The following CNTNAP4 variants were observed in gnomAD, a reference collection of about 807,000 sequenced individuals.
CNTNAP4 encodes contactin associated protein family member 4.
A neutral mutation model predicts 148.4 loss-of-function variants in CNTNAP4; 98 were observed. That is an observed-to-expected ratio of 0.66 (90% CI 0.56 to 0.78). The LOEUF (loss-of-function observed/expected upper bound fraction) is 0.78. Ranked by LOEUF, CNTNAP4 falls within the 30% of genes least tolerant of loss-of-function variation. CNTNAP4 has a pLI of 0.00. For synonymous variants in CNTNAP4, 730 were observed against 565.1 expected, an observed-to-expected ratio of 1.29 and a Z score of -4.14; for missense variants, 1,935 against 1,565.6, an observed-to-expected ratio of 1.24 and a Z score of -3.98.
chr16:76,338,861 A>C (rs1364860333), intron 2 of CNTNAP4, among the ~76,000 whole-genome samples: 2 of 152,198 alleles, frequency 1.3e-5, no homozygotes, highest in Admixed American at 1.3e-4. Flanking sequence ...AAATCAAACA[A>C]ATTAGGACAG....
At chr16:76,379,279 A>T (rs182116129) in intron 3 of CNTNAP4, among the ~76,000 whole-genome samples, 1 of 152,286 alleles carries the variant, frequency 6.6e-6, no homozygotes, top group East Asian at 1.9e-4. Context: ...AGGGAAGTTC[A>T]TCCTGAAAGA....
intron 1 of CNTNAP4, among the ~76,000 whole-genome samples, chr16:76,287,078 C>A (rs1012449274): frequency 1.2e-4 from 19 of 152,156 alleles, no homozygotes; most frequent in African/African-American, 4.6e-4. Context: ...AGCTTCATAA[C>A]ACTACCTCTT....
chr16:76,558,655 A>T lies in CNTNAP4; in HGVS notation c.3899A>T (p.Asn1300Ile). Residue 1300 changes from asparagine (N) to isoleucine (I), a missense_variant, in exon 24 of 24, where the codon AAT becomes ATT. Coordinates refer to ENST00000611870, the MANE Select transcript of CNTNAP4 (RefSeq NM_033401.5). ...KSELNIQNAVNENQKEYFF is the reference protein window; with the variant it reads ...KSELNIQNAVIENQKEYFF ...GAGCTTAATATACAAAATGCAGTCAATGAAAATCAGAAAGAGTACTTCTTC... is the reference window on the plus strand; with the variant it reads ...GAGCTTAATATACAAAATGCAGTCATTGAAAATCAGAAAGAGTACTTCTTC... The T allele has an allele frequency of 6.2e-7, 1 of 1,610,158 alleles. No individual in the cohort carries two copies. Among genetic ancestry groups the T allele is most frequent in the Non-Finnish European group, 8.5e-7 (1 of 1,178,540 alleles).
chr16:76,509,357 C>A (rs2082934425), intron 15 of CNTNAP4, among the ~76,000 whole-genome samples: 1 of 96,636 alleles, frequency 1.0e-5, no homozygotes, highest in African/African-American at 2.6e-5. Context: ...CAAACATTGC[C>A]AAATGTCCCC....
chr16:76,411,664 G>T (rs2078799058), intron 3 of CNTNAP4, among the ~76,000 whole-genome samples: 1 of 151,244 alleles, frequency 6.6e-6, no homozygotes. Flanking sequence ...TTTTAATGAG[G>T]TATTCTTAAA....
At chr16:76,396,806 TC>T (rs2078220292) in intron 3 of CNTNAP4, among the ~76,000 whole-genome samples, 2 of 152,144 alleles carry the variant, frequency 1.3e-5, no homozygotes, top group South Asian at 2.1e-4. Flanking sequence ...GCATCCTTCT[TC>T]CCAATGTGCA....
chr16:76,529,361 C>T (rs66833055), intron 17 of CNTNAP4, among the ~76,000 whole-genome samples: 38,951 of 152,016 alleles, frequency 0.26, 5,480 homozygotes, highest in East Asian at 0.44. Context: ...TGAACACGTG[C>T]CCTTGACTTG....
chr16:76,477,110 G>A (rs552006795), intron 11 of CNTNAP4, among the ~76,000 whole-genome samples: 3 of 152,100 alleles, frequency 2.0e-5, no homozygotes, highest in East Asian at 3.9e-4. Context: ...TTTGTTCAAG[G>A]CTACTTAAAA....
chr16:76,414,104 C>G (rs2078895936), intron 3 of CNTNAP4, among the ~76,000 whole-genome samples: 1 of 151,258 alleles, frequency 6.6e-6, no homozygotes, highest in Non-Finnish European at 1.5e-5. Context: ...ATGAAAGGGT[C>G]TATACAGAAC....
intron 13 of CNTNAP4, among the ~76,000 whole-genome samples, chr16:76,494,217 T>C (rs1568393646): frequency 6.6e-6 from 1 of 152,164 alleles, no homozygotes; most frequent in Non-Finnish European, 1.5e-5. Flanking sequence ...AAGGAGCTGG[T>C]AGCTGAACAT....
In CNTNAP4 at chr16:76,540,746, C is replaced by G. The variant is rs774459044; in HGVS notation, c.3398C>G (p.Thr1133Arg). 9.5e-6 allele frequency: 15 copies of G among 1,577,636 alleles called. No individual in the cohort carries two copies. Among genetic ancestry groups the G allele is most frequent in the Non-Finnish European group, 1.3e-5 (15 of 1,159,840 alleles). Residue 1133 changes from threonine (T) to arginine (R), a missense_variant, in exon 21 of 24, where the codon ACA (threonine) becomes AGA (arginine). Transcript: ENST00000611870. ...AGACAAGTTCACCTGTCATCAGGCA[C>G]AGAATTCAGTGCAGTCAAATCTCTG... ...RRRQVHLSSGTEFSAVKSLVL... is the reference protein window; with the variant it reads ...RRRQVHLSSGREFSAVKSLVL...
chr16:76,497,195 T>G (rs1180045153), intron 14 of CNTNAP4, among the ~76,000 whole-genome samples: 3 of 152,280 alleles, frequency 2.0e-5, no homozygotes, highest in Non-Finnish European at 4.4e-5. Context: ...CTGTTTACTT[T>G]TATTATAAAG....
Position 76,554,041 on chromosome 16 carries a change from G to C in CNTNAP4, c.3733+134G>C. ...GGCACTGAATCCTGAGGTCATTGGG[G>C]TGATTTACTATTTGTACTGGATTGT... On this transcript the variant is annotated intron_variant, in intron 23 of 23. Transcript: ENST00000611870. The C allele has an allele frequency of 5.4e-6, 3 of 553,330 alleles. 1 individual carries two copies. The South Asian group carries it at 7.3e-5, about 13-fold the overall frequency. The allele number at this position is 553,330 out of a possible 1,614,324, so 34.3% of individuals were successfully genotyped here.
intron 3 of CNTNAP4, among the ~76,000 whole-genome samples, chr16:76,386,792 A>C (rs1410172849): frequency 6.6e-6 from 1 of 152,168 alleles, no homozygotes; most frequent in Admixed American, 6.5e-5. Context: ...TGTTAATCAG[A>C]TGATCATAGT....
At position 76,539,779 on chromosome 16, in the gene CNTNAP4, A is replaced by G; in HGVS notation, c.3281A>G (p.Asp1094Gly). The stretch of plus-strand genomic sequence containing the variant: ...CAAGAGCCTGATGTTGTTAACTTTG[A>G]TTTTAAAAACATGGCTGATGGACAA... ...KYQEPDVVNF[D>G]FKNMADGQLH... is the part of the protein sequence containing the mutation. The change falls in exon 20 of 24, where the codon GAT (aspartate) becomes GGT (glycine). Residue 1094 changes from aspartate (D) to glycine (G), a missense_variant. Coordinates refer to ENST00000611870, the MANE Select transcript of CNTNAP4 (RefSeq NM_033401.5). 4 of 1,603,746 alleles carry G rather than the reference A, an allele frequency of 2.5e-6. No individual in the cohort carries two copies. The highest frequency in any genetic ancestry group is 3.4e-6 in the Non-Finnish European group (4 of 1,175,012).
At chr16:76,377,592 T>G (rs2015547080) in intron 3 of CNTNAP4, among the ~76,000 whole-genome samples, 1 of 152,164 alleles carries the variant, frequency 6.6e-6, no homozygotes, top group Admixed American at 6.5e-5. Context: ...ACCACAAGGC[T>G]TTTGAAGCAG....
chr16:76,334,255 C>T (rs570718131), intron 2 of CNTNAP4, among the ~76,000 whole-genome samples: 143 of 151,302 alleles, frequency 9.5e-4, no homozygotes, highest in Middle Eastern at 3.4e-3. Context: ...TTTTTTTCAG[C>T]TTGTGGGCAG....
chr16:76,447,124 A>G (rs1446188067), intron 4 of CNTNAP4, among the ~76,000 whole-genome samples: 1 of 152,060 alleles, frequency 6.6e-6, no homozygotes, highest in Non-Finnish European at 1.5e-5. Context: ...CCTGGGCAAC[A>G]TAATGAGGAC....
At chr16:76,301,754 C>T (rs1959993475) in intron 1 of CNTNAP4, among the ~76,000 whole-genome samples, 2 of 152,020 alleles carry the variant, frequency 1.3e-5, no homozygotes, top group Admixed American at 6.6e-5. Context: ...CTCTCAAATC[C>T]GCCTCCCTGA....
Sources: allele counts gnomAD v4.1 joint callset (sites outside exome capture counted in the v4.1 genomes callset), GRCh38; gene constraint gnomAD v4.1.1; transcripts MANE v1.5; gene names NCBI Gene and HGNC (gene_info 2026-07-23, HGNC 2026-07-21).